The following RBFOX1 variants were observed in gnomAD, a reference collection of about 807,000 sequenced individuals.
The protein encoded by RBFOX1 is RNA binding fox-1 homolog 1.
In RBFOX1, 8 loss-of-function variants were observed where a neutral mutation model predicts 57.7. The ratio of observed to expected loss-of-function variants is 0.14; its 90% CI spans 0.08 to 0.25. The LOEUF is 0.25. RBFOX1 is among the 10% of genes least tolerant of loss of function. RBFOX1 has a pLI of 1.00. For missense variants in RBFOX1, 611 were observed against 548.5 expected, an observed-to-expected ratio of 1.11 and a Z score of -1.14; for synonymous variants, 326 against 222.4, an observed-to-expected ratio of 1.47 and a Z score of -4.15.
intron 4 of RBFOX1, among the ~76,000 whole-genome samples, chr16:7,185,629 G>A (rs192378139): frequency 9.8e-5 from 15 of 152,294 alleles, no homozygotes; most frequent in Non-Finnish European, 1.9e-4. Flanking sequence ...TAATATTTGT[G>A]TGTCAGAATC....
chr16:6,219,145 T>A (rs2097355369), intron 1 of RBFOX1, among the ~76,000 whole-genome samples: 1 of 152,206 alleles, frequency 6.6e-6, no homozygotes, highest in Non-Finnish European at 1.5e-5. Flanking sequence ...ATTTTTTATA[T>A]GTCTAGCACC....
chr16:5,899,421 A>G (rs2058252584), intron 4 of RBFOX1, among the ~76,000 whole-genome samples: 1 of 152,114 alleles, frequency 6.6e-6, no homozygotes, highest in Admixed American at 6.6e-5. Flanking sequence ...CTGAGACTGA[A>G]TGATGAACAG....
intron 14 of RBFOX1, among the ~76,000 whole-genome samples, chr16:7,699,460 G>A (rs2079928352): frequency 6.6e-6 from 1 of 152,120 alleles, no homozygotes; most frequent in Non-Finnish European, 1.5e-5. Context: ...CCAAAGTCCT[G>A]CGAGTACAGG....
At chr16:7,346,742 G>T (rs770841728) in intron 4 of RBFOX1, among the ~76,000 whole-genome samples, 2 of 152,080 alleles carry the variant, frequency 1.3e-5, no homozygotes, top group Non-Finnish European at 2.9e-5. Context: ...CTTCCTGTGG[G>T]TTGACTGAAG....
intron 3 of RBFOX1, among the ~76,000 whole-genome samples, chr16:5,805,716 A>G (rs2055203679): frequency 2.0e-5 from 3 of 152,232 alleles, no homozygotes; most frequent in Non-Finnish European, 4.4e-5. Flanking sequence ...GTTGCCTGAC[A>G]TGAATGTGGC....
chr16:5,540,526 A>C (rs1426047313), intron 2 of RBFOX1, among the ~76,000 whole-genome samples: 1 of 152,212 alleles, frequency 6.6e-6, no homozygotes, highest in Non-Finnish European at 1.5e-5. Context: ...AATTTGAAAG[A>C]GTTGGTTTAG....
intron 11 of RBFOX1, among the ~76,000 whole-genome samples, chr16:7,645,282 C>A (rs1449011496): frequency 6.6e-6 from 1 of 152,110 alleles, no homozygotes; most frequent in African/African-American, 2.4e-5. Context: ...TGAGTAACTA[C>A]CACCCATAAA....
chr16:5,814,922 C>T (rs578231918), intron 3 of RBFOX1, among the ~76,000 whole-genome samples: 16 of 151,234 alleles, frequency 1.1e-4, no homozygotes, highest in South Asian at 2.1e-4. Context: ...GGCGACAGAG[C>T]GAGACTCCGT....
intron 4 of RBFOX1, among the ~76,000 whole-genome samples, chr16:7,168,364 A>G (rs2079995057): frequency 6.6e-6 from 1 of 152,144 alleles, no homozygotes; most frequent in Non-Finnish European, 1.5e-5. Flanking sequence ...GCTAGGGTGC[A>G]GAGCCAGGTA....
intron 2 of RBFOX1, among the ~76,000 whole-genome samples, chr16:5,521,836 A>G (rs1329059363): frequency 6.6e-6 from 1 of 152,212 alleles, no homozygotes; most frequent in African/African-American, 2.4e-5. Flanking sequence ...TTCACATGTT[A>G]TTCCTCTTCA....
chr16:7,255,036 T>G (rs771439881), intron 4 of RBFOX1, among the ~76,000 whole-genome samples: 3 of 152,236 alleles, frequency 2.0e-5, no homozygotes, highest in African/African-American at 4.8e-5. Context: ...TTTGGAACTT[T>G]ATAACAGTAG....
At chr16:6,098,885 G>GGAGGGATGTGGCTTGGGTT (rs1451177738) in intron 1 of RBFOX1, among the ~76,000 whole-genome samples, 5 of 152,178 alleles carry the variant, frequency 3.3e-5, no homozygotes, top group African/African-American at 4.8e-5. Flanking sequence ...TAAATAATTG[G>GGAGGGATGTGGCTTGGGTT]GAGGGATGTG....
chr16:5,884,165 G>C (rs369021341), intron 4 of RBFOX1, among the ~76,000 whole-genome samples: 13 of 152,306 alleles, frequency 8.5e-5, no homozygotes, highest in African/African-American at 2.6e-4. Context: ...CAAATAGCAA[G>C]TTGTCAGTAA....
intron 4 of RBFOX1, among the ~76,000 whole-genome samples, chr16:7,113,562 C>G (rs756138724): frequency 6.6e-6 from 1 of 152,068 alleles, no homozygotes; most frequent in Non-Finnish European, 1.5e-5. Context: ...AATTATGCAC[C>G]CGCACCATTG....
rs780542467 is a variant in RBFOX1 at position 6,473,768 on chromosome 16, G to A, written c.-64+156711G>A. On this transcript the variant is annotated intron_variant, in intron 2 of 15. Coordinates refer to ENST00000550418, the MANE Select transcript of RBFOX1 (RefSeq NM_018723.4). ...AAGGGACAGCTTCAGATATGGCCTG[G>A]CTAGAGGCTGTTTGCGTGGGGAAGC... is the stretch of plus-strand genomic sequence containing the variant. 4.6e-5 allele frequency among the ~76,000 whole-genome samples: 7 copies of A among 152,168 alleles called. 1 individual carries two copies. Among genetic ancestry groups the A allele is most frequent in the Non-Finnish European group, 8.8e-5 (6 of 68,018 alleles).
At chr16:6,982,088 A>G (rs564231261) in intron 3 of RBFOX1, among the ~76,000 whole-genome samples, 3 of 152,176 alleles carry the variant, frequency 2.0e-5, no homozygotes, top group Admixed American at 2.0e-4. Context: ...GGTTTATATA[A>G]CAAGAATGTG....
intron 2 of RBFOX1, among the ~76,000 whole-genome samples, chr16:6,623,892 C>T (rs12920303): frequency 0.053 from 8,075 of 152,168 alleles, 307 homozygotes; most frequent in Non-Finnish European, 0.077. Flanking sequence ...GTGAATAGTG[C>T]CGCAATAAAC....
intron 2 of RBFOX1, among the ~76,000 whole-genome samples, chr16:5,551,928 A>G (rs759160903): frequency 5.3e-5 from 8 of 152,038 alleles, no homozygotes; most frequent in Non-Finnish European, 5.9e-5. Flanking sequence ...GCTGAGAATG[A>G]TGGTTTCCAG....
At chr16:6,964,664 A>C (rs1489250298) in intron 3 of RBFOX1, among the ~76,000 whole-genome samples, 1 of 152,186 alleles carries the variant, frequency 6.6e-6, no homozygotes, top group Non-Finnish European at 1.5e-5. Flanking sequence ...TGACAAACTC[A>C]TTCCTTCCCA....
Sources: allele counts gnomAD v4.1 joint callset (sites outside exome capture counted in the v4.1 genomes callset), GRCh38; gene constraint gnomAD v4.1.1; transcripts MANE v1.5; gene names NCBI Gene and HGNC (gene_info 2026-07-23, HGNC 2026-07-21).